Variants in EYS observed in about 807,000 individuals in gnomAD.
The protein encoded by EYS is protein eyes shut homolog.
Under a neutral mutation model 282.1 loss-of-function variants are expected in EYS, and 250 were observed. The observed-to-expected ratio is 0.89, with a 90% CI of 0.80 to 0.98. The LOEUF is 0.98. Among genes scored for constraint, EYS ranks in the 50% least tolerant of loss-of-function variants. EYS has a pLI of 0.00. For synonymous variants in EYS, 1,355 were observed against 1,282.9 expected, an observed-to-expected ratio of 1.06 and a Z score of -1.20; for missense variants, 4,016 against 3,709.0, an observed-to-expected ratio of 1.08 and a Z score of -2.15.
chr6:65,331,512 G>T, intron 11 of EYS: 1 of 950,044 alleles, frequency 1.1e-6, no homozygotes, highest in African/African-American at 1.8e-5. Context: ...CATTTGTTGG[G>T]CTCCATTGTT....
chr6:64,219,560 A>G (rs974745591), intron 31 of EYS, among the ~76,000 whole-genome samples: 1 of 152,210 alleles, frequency 6.6e-6, no homozygotes, highest in African/African-American at 2.4e-5. Context: ...GTAAAGGGAT[A>G]GCTGGGTCAA....
intron 36 of EYS, among the ~76,000 whole-genome samples, 162 bp from the exon 37 acceptor site, chr6:63,806,534 A>C (rs1360300621): frequency 6.6e-6 from 1 of 152,200 alleles, no homozygotes; most frequent in East Asian, 1.9e-4. Flanking sequence ...ACTCAACAGG[A>C]AATTTCAAAA....
chr6:65,073,001 T>C (rs1290585799), intron 12 of EYS, among the ~76,000 whole-genome samples: 1 of 151,386 alleles, frequency 6.6e-6, no homozygotes, highest in Admixed American at 6.6e-5. Context: ...TATACGACAT[T>C]ATATAATTAA....
Position 64,617,499 on chromosome 6 carries a change from C to T in EYS, c.3603G>A (p.Glu1201=). 1 of 1,550,792 alleles carries T rather than the reference C, an allele frequency of 6.4e-7. No individual in the cohort carries two copies. The highest frequency in any genetic ancestry group is 8.7e-7 in the Non-Finnish European group (1 of 1,146,314). The change falls in exon 24 of 43, where the codon GAG becomes GAA. Residue 1201 remains glutamate, a synonymous_variant. Transcript: ENST00000503581. ...WSGHHCENEL[E]CIPNSCVHEL... ...CATGAACACATGAGTTGGGAATGCA[C>T]TCAAGCTCATTCTCACAGTGGTGTC...
chr6:64,836,188 G>GAT lies in EYS; in HGVS notation c.2993-13367_2993-13366insAT, dbSNP rs5876927. On this transcript the variant is annotated intron_variant, in intron 19 of 42. Coordinates refer to ENST00000503581, the MANE Select transcript of EYS (RefSeq NM_001142800.2). Reference sequence around the variant, plus strand: ...TACTTAAACAATTATAACATGTCATGTTTTTTTTCATTTGGTGACATGGTC... The same window carrying GAT: ...TACTTAAACAATTATAACATGTCATGATTTTTTTTTCATTTGGTGACATGGTC... Among the ~76,000 whole-genome samples, 3 of 150,592 alleles carry GAT rather than the reference G, an allele frequency of 2.0e-5. No individual in the cohort carries two copies. The East Asian group carries it at 5.9e-4, about 30-fold the overall frequency.
intron 7 of EYS, among the ~76,000 whole-genome samples, chr6:65,396,245 C>T (rs763914468): frequency 2.0e-5 from 3 of 152,176 alleles, no homozygotes; most frequent in Non-Finnish European, 2.9e-5. Context: ...TACTCCTACT[C>T]TAGTATGCTC....
chr6:63,905,483 C>G (rs1773756675), intron 35 of EYS, among the ~76,000 whole-genome samples: 2 of 151,922 alleles, frequency 1.3e-5, no homozygotes, highest in African/African-American at 2.4e-5. Context: ...GCGCCCGCCA[C>G]CACGCCCGGC....
At chr6:64,734,593 G>T (rs1495537) in intron 22 of EYS, among the ~76,000 whole-genome samples, 4 of 152,220 alleles carry the variant, frequency 2.6e-5, no homozygotes, top group African/African-American at 4.8e-5. Flanking sequence ...ATTTCTGTTA[G>T]CCATTTACAA....
At chr6:64,070,330 A>T (rs895356067) in intron 32 of EYS, among the ~76,000 whole-genome samples, 2 of 152,170 alleles carry the variant, frequency 1.3e-5, no homozygotes, top group Non-Finnish European at 2.9e-5. Context: ...GTTTTCAGAT[A>T]TGACACATTT....
rs1402924399 is a variant in EYS at position 64,902,398 on chromosome 6, C to G, written c.2738+6G>C. The stretch of plus-strand genomic sequence containing the variant: ...TGTATCTAGATACTTTTTAAGTTTT[C>G]TGTACCTGAAATTGTTGACCATATC... On this transcript the variant is annotated splice_donor_region_variant and intron_variant, in intron 17 of 42. Coordinates refer to ENST00000503581, the MANE Select transcript of EYS (RefSeq NM_001142800.2). 2 of 1,532,546 alleles carry G rather than the reference C, an allele frequency of 1.3e-6. No homozygotes were observed. Among genetic ancestry groups the G allele is most frequent in the African/African-American group, 2.8e-5 (2 of 71,914 alleles). The allele number at this position is 1,532,546 out of a possible 1,614,324, so 94.9% of individuals were successfully genotyped here.
intron 26 of EYS, among the ~76,000 whole-genome samples, chr6:64,571,754 A>G (rs1765733245): frequency 6.6e-6 from 1 of 152,202 alleles, no homozygotes; most frequent in South Asian, 2.1e-4. Flanking sequence ...GAATAGACCA[A>G]TAACAAGTTC....
intron 12 of EYS, among the ~76,000 whole-genome samples, chr6:65,115,183 T>C (rs1775330198): frequency 6.6e-6 from 1 of 152,064 alleles, no homozygotes; most frequent in Admixed American, 6.6e-5. Context: ...TATCATGAAA[T>C]GTGGCTGAAA....
intron 33 of EYS, among the ~76,000 whole-genome samples, chr6:64,031,993 T>C (rs1769869659): frequency 6.6e-6 from 1 of 152,064 alleles, no homozygotes; most frequent in Admixed American, 6.5e-5. Flanking sequence ...GCTGCTGCTC[T>C]CTCTTTGGGT....
chr6:65,544,207 ATAGCAG>A (rs1373285677), intron 2 of EYS, among the ~76,000 whole-genome samples: 1 of 152,110 alleles, frequency 6.6e-6, no homozygotes, highest in African/African-American at 2.4e-5. Context: ...TTTGTATTTT[ATAGCAG>A]TAGCTCATTA....
chr6:64,916,574 A>G (rs889172772), intron 15 of EYS, among the ~76,000 whole-genome samples: 1 of 152,240 alleles, frequency 6.6e-6, no homozygotes, highest in Non-Finnish European at 1.5e-5. Context: ...AAAGGAAAAC[A>G]TATTTGATGT....
At chr6:65,147,873 G>A (rs1435135005) in intron 12 of EYS, among the ~76,000 whole-genome samples, 1 of 152,012 alleles carries the variant, frequency 6.6e-6, no homozygotes, top group Non-Finnish European at 1.5e-5. Context: ...TCCTTACAAG[G>A]TGGCAGGACA....
chr6:64,371,073 C>T (rs1772352038), intron 29 of EYS, among the ~76,000 whole-genome samples: 1 of 151,750 alleles, frequency 6.6e-6, no homozygotes, highest in African/African-American at 2.4e-5. Context: ...GGTTGGTTTG[C>T]TCTTGTTTTT....
At chr6:63,878,288 A>G (rs1198420901) in intron 35 of EYS, among the ~76,000 whole-genome samples, 1 of 152,226 alleles carries the variant, frequency 6.6e-6, no homozygotes, top group African/African-American at 2.4e-5. Context: ...GCTGCAGAAC[A>G]GCAAATATTG....
intron 14 of EYS, among the ~76,000 whole-genome samples, chr6:64,973,984 T>G (rs983058035): frequency 6.6e-6 from 1 of 151,822 alleles, no homozygotes; most frequent in East Asian, 1.9e-4. Flanking sequence ...TTAAATAAAT[T>G]TAGAAAACAT....
Sources: gnomAD v4.1 joint callset for allele counts (sites outside exome capture counted in the v4.1 genomes callset) on GRCh38, gnomAD v4.1.1 for gene constraint, MANE v1.5 for transcripts, NCBI Gene and HGNC (gene_info 2026-07-23, HGNC 2026-07-21) for gene names.